The following BLOC1S2 variants were observed in gnomAD, a reference collection of about 807,000 sequenced individuals.
The protein encoded by BLOC1S2 is biogenesis of lysosomal organelles complex 1 subunit 2, also known as biogenesis of lysosome-related organelles complex 1 subunit 2.
BLOC1S2 carries 12 observed loss-of-function variants against 19.6 expected under a neutral mutation model. The observed-to-expected ratio is 0.61, with a 90% CI of 0.39 to 0.99. BLOC1S2 has a LOEUF of 0.99. Ranked by LOEUF, BLOC1S2 falls within the 50% of genes least tolerant of loss-of-function variation. BLOC1S2 has a pLI of 0.00. For synonymous variants in BLOC1S2, 66 were observed against 64.1 expected (o/e 1.03, Z -0.14); for missense variants, 142 against 171.0 (o/e 0.83, Z 0.95).
chr10:100,275,989 T>G (rs1847838554), intron 4 of BLOC1S2, among the ~76,000 whole-genome samples: 1 of 152,200 alleles, frequency 6.6e-6, no homozygotes, highest in Admixed American at 6.5e-5. Flanking sequence ...CATTCCGTTT[T>G]TCTATTAAAA....
intron 4 of BLOC1S2, among the ~76,000 whole-genome samples, chr10:100,279,848 TC>T (rs1405516644): frequency 1.3e-5 from 2 of 152,052 alleles, no homozygotes; most frequent in African/African-American, 4.8e-5. Flanking sequence ...ACCATTGCAC[TC>T]CAGCTTGGGC....
intron 4 of BLOC1S2, among the ~76,000 whole-genome samples, chr10:100,279,054 C>T (rs1447379731): frequency 6.6e-6 from 1 of 151,718 alleles, no homozygotes; most frequent in Middle Eastern, 3.4e-3. Flanking sequence ...GTCATTGCAC[C>T]CTAGCCTGGG....
intron 4 of BLOC1S2, 27 bp downstream of exon 4, chr10:100,280,097 C>A (rs1041579899): frequency 6.4e-7 from 1 of 1,566,118 alleles, no homozygotes; most frequent in East Asian, 2.2e-5. Flanking sequence ...GTCTTTATTA[C>A]ATCAAAACAG....
intron 2 of BLOC1S2, among the ~76,000 whole-genome samples, chr10:100,285,239 CTTTCTT>C (rs1396040521): frequency 6.6e-6 from 1 of 152,016 alleles, no homozygotes; most frequent in Non-Finnish European, 1.5e-5. Flanking sequence ...ACTTCACTTT[CTTTCTT>C]TTTCTTTTTT....
intron 4 of BLOC1S2, among the ~76,000 whole-genome samples, chr10:100,276,998 T>C (rs890353350): frequency 1.5e-4 from 22 of 148,844 alleles, no homozygotes; most frequent in Non-Finnish European, 3.1e-4. Flanking sequence ...TCTGCCTGGC[T>C]GCCCAGTCTG....
chr10:100,278,779 C>T (rs1394439618), intron 4 of BLOC1S2, among the ~76,000 whole-genome samples: 10 of 151,006 alleles, frequency 6.6e-5, no homozygotes, highest in Admixed American at 4.0e-4. Flanking sequence ...GCCAAATCCC[C>T]CTCTGTGAGA....
intron 4 of BLOC1S2, among the ~76,000 whole-genome samples, chr10:100,276,483 GTCTCCCTCTC>G (rs1293245066): frequency 2.4e-5 from 2 of 82,912 alleles, no homozygotes; most frequent in African/African-American, 4.5e-5. Context: ...TCCCTCTCCC[GTCTCCCTCTC>G]CCTCTCCCTC....
rs33965491 is a variant in BLOC1S2, at chr10:100,286,623, T to G, written c.37A>C (p.Ser13Arg). 100,843 of 1,612,074 alleles carry G rather than the reference T, an allele frequency of 0.063. 3,669 individuals are homozygous for G. The highest frequency in any genetic ancestry group is 0.14 in the African/African-American group (10,574 of 74,876). Residue 13 changes from serine (S) to arginine (R), a missense_variant, in exon 1 of 5, where the codon AGT becomes CGT. Ser to Arg is a moderately radical substitution (Grantham distance 110). This residue lies in a region of BLOC1S2 where 48 missense variants were observed against 29.7 expected (regional missense o/e 1.61). Transcript: ENST00000370372. ...CGGGTACCTCGGGCGGGCTCATCAC[T>G]CCGGGTCGCCAGTACGCCCTCGGCT... ...AAAEGVLATR[S>R]DEPARDDAAV...
At chr10:100,282,868 A>T (rs1178046758) in intron 2 of BLOC1S2, 1 of 398,528 alleles carries the variant, frequency 2.5e-6, no homozygotes, top group African/African-American at 2.1e-5. Context: ...AGTGCACCAT[A>T]CAGGCATTCC....
In BLOC1S2 at chr10:100,281,711, TAC is replaced by T. The variant is rs71013439; in HGVS notation, c.173-660_173-659del. The stretch of plus-strand genomic sequence containing the variant: ...AAAAAAAAATATATATATATACACA[TAC>T]ACACACACACACACACACACACACA... On this transcript the variant is annotated intron_variant, in intron 2 of 4. Transcript: ENST00000370372. Among the ~76,000 whole-genome samples, 668 of 132,356 alleles carry T rather than the reference TAC, an allele frequency of 5.0e-3. 1 individual carries two copies. The highest frequency in any genetic ancestry group is 8.0e-3 in the African/African-American group (279 of 35,064). 86.8% of individuals were successfully genotyped at this position (132,356 alleles called of 152,430 possible). A position where few individuals can be genotyped will look rare whatever the true frequency, so the allele number is the denominator to read the frequency against.
At chr10:100,286,033 T>A in intron 2 of BLOC1S2, 64 bp downstream of exon 2, 1 of 1,588,480 alleles carries the variant, frequency 6.3e-7, no homozygotes, top group Non-Finnish European at 8.6e-7. Flanking sequence ...AGACTGATGC[T>A]GCTAACCATC....
In BLOC1S2 at chr10:100,280,581, T is replaced by C. The variant is rs574949767; in HGVS notation, c.292+353A>G. ...AAAAATAATAAGTCAATGGAAAAAA[T>C]ATATTCGACTACTCTAAATTAGTGT... On this transcript the variant is annotated intron_variant, in intron 3 of 4. Transcript: ENST00000370372. 9.9e-5 allele frequency among the ~76,000 whole-genome samples: 15 copies of C among 152,268 alleles called. No individual in the cohort carries two copies. The South Asian group carries it at 3.1e-3, about 32-fold the overall frequency.
intron 2 of BLOC1S2, among the ~76,000 whole-genome samples, chr10:100,284,045 A>C (rs58917242): frequency 0.049 from 7,438 of 152,290 alleles, 605 homozygotes; most frequent in African/African-American, 0.17. Context: ...CAATCCTCTT[A>C]GCCCATCATT....
At chr10:100,276,221 G>C (rs1847844330) in intron 4 of BLOC1S2, among the ~76,000 whole-genome samples, 1 of 152,156 alleles carries the variant, frequency 6.6e-6, no homozygotes, top group African/African-American at 2.4e-5. Flanking sequence ...TCTTGAAGTA[G>C]TCAGCCCTTG....
chr10:100,281,693 A>AAAAAAAT (rs71013438), intron 2 of BLOC1S2, among the ~76,000 whole-genome samples: 5 of 138,834 alleles, frequency 3.6e-5, no homozygotes, highest in African/African-American at 1.4e-4. Context: ...AAAAAAAAAA[A>AAAAAAAT]ATATATATAT....
intron 2 of BLOC1S2, among the ~76,000 whole-genome samples, chr10:100,281,412 G>A (rs939912713): frequency 2.0e-5 from 3 of 152,070 alleles, no homozygotes; most frequent in African/African-American, 4.8e-5. Context: ...CAGGCTGGGC[G>A]CGGTGGCTCA....
At chr10:100,286,431 A>G in intron 1 of BLOC1S2, 174 bp downstream of exon 1, 1 of 1,464,540 alleles carries the variant, frequency 6.8e-7, no homozygotes, top group Non-Finnish European at 9.1e-7. Flanking sequence ...ACCCCCGCTC[A>G]TCCTGGCACC....
intron 4 of BLOC1S2, among the ~76,000 whole-genome samples, chr10:100,278,019 G>GC (rs1198207997): frequency 2.5e-5 from 3 of 118,182 alleles, no homozygotes; most frequent in African/African-American, 6.8e-5. Context: ...GAGGGAATCA[G>GC]CCCCCCGCCC....
chr10:100,281,877 T>A (rs1385152067), intron 2 of BLOC1S2, among the ~76,000 whole-genome samples: 1 of 152,092 alleles, frequency 6.6e-6, no homozygotes, highest in Non-Finnish European at 1.5e-5. Context: ...CCTATCCCCA[T>A]TCAAAGCAAA....
Sources: allele counts gnomAD v4.1 joint callset (sites outside exome capture counted in the v4.1 genomes callset), GRCh38; gene constraint gnomAD v4.1.1; regional missense constraint gnomAD v4.1.1; transcripts MANE v1.5; gene names NCBI Gene and HGNC (gene_info 2026-07-23, HGNC 2026-07-21).